The following ARHGEF37 variants were observed in gnomAD, a reference collection of about 807,000 sequenced individuals.
The protein encoded by ARHGEF37 is Rho guanine nucleotide exchange factor (GEF) 37.
In ARHGEF37, 55 loss-of-function variants were observed where a neutral mutation model predicts 71.1. The ratio of observed to expected loss-of-function variants is 0.77; its 90% CI spans 0.62 to 0.97. The LOEUF (loss-of-function observed/expected upper bound fraction) is 0.97, where lower values mean the gene tolerates loss of function less well. ARHGEF37 is among the 50% of genes least tolerant of loss of function. The pLI, the probability that ARHGEF37 is intolerant of heterozygous loss-of-function variation, is 0.00. For missense variants in ARHGEF37, 765 were observed against 836.8 expected, an observed-to-expected ratio of 0.91 and a Z score of 1.06; for synonymous variants, 327 against 350.6, an observed-to-expected ratio of 0.93 and a Z score of 0.75.
At chr5:149,577,522 T>C (rs562981533), upstream of ARHGEF37, among the ~76,000 whole-genome samples, 31 of 152,318 alleles carry the variant, frequency 2.0e-4, no homozygotes, top group African/African-American at 7.2e-4. Flanking sequence ...GTGATTCTAA[T>C]GATTAAAAAA....
upstream of ARHGEF37, among the ~76,000 whole-genome samples, chr5:149,577,167 C>G (rs954373984): frequency 6.6e-6 from 1 of 152,030 alleles, no homozygotes; most frequent in Non-Finnish European, 1.5e-5. Flanking sequence ...TCTTTCTGAG[C>G]CTCAATTTCA....
chr5:149,593,356 T>G (rs141367264), intron 1 of ARHGEF37, among the ~76,000 whole-genome samples: 43 of 152,346 alleles, frequency 2.8e-4, no homozygotes, highest in Middle Eastern at 3.4e-3. Flanking sequence ...TTGCCAATCT[T>G]TCTGTTTCTA....
At chr5:149,555,522 C>A (rs1762742974) in intron 1 of ARHGEF37, among the ~76,000 whole-genome samples, 1 of 151,548 alleles carries the variant, frequency 6.6e-6, no homozygotes, top group South Asian at 2.1e-4. Flanking sequence ...GCCTTGTTGC[C>A]CAGGCTGGTC....
At position 149,632,175 on chromosome 5, in the gene ARHGEF37, G is replaced by A. The variant is rs775539556; in HGVS notation, c.2012G>A (p.Trp671Ter). ...ARARSPVLWG[W>*]SLPS ...GCTCGGAGCCCAGTTCTGTGGGGCTGGAGTCTGCCCTCTTAGGGTACCCTC... is the reference window on the plus strand; with the variant it reads ...GCTCGGAGCCCAGTTCTGTGGGGCTAGAGTCTGCCCTCTTAGGGTACCCTC... The change falls in exon 13 of 13, where the codon TGG (tryptophan) becomes TAG (stop). Residue 671 changes from tryptophan to a stop codon, truncating the protein, a stop_gained. Coordinates refer to ENST00000333677, the MANE Select transcript of ARHGEF37 (RefSeq NM_001001669.3). LOFTEE classifies it high-confidence loss of function. 7 of 1,614,194 alleles carry A rather than the reference G, an allele frequency of 4.3e-6. No individual in the cohort carries two copies. The highest frequency in any genetic ancestry group is 5.9e-6 in the Non-Finnish European group (7 of 1,180,034).
At position 149,622,008 on chromosome 5, in the gene ARHGEF37, C is replaced by T. The variant is rs1752561180; in HGVS notation, c.1281C>T (p.Leu427=). 1.2e-6 allele frequency: 2 copies of T among 1,614,032 alleles called. No homozygotes were observed. The part of the protein sequence containing the change: ...LGQIMCTFVT[L]QRDLAKQVLQ... ...AGATCATGTGCACATTCGTGACCCT[C>T]CAGAGGGACCTTGCAAAGCAAGTGC... The change falls in exon 9 of 13, where the codon CTC becomes CTT. Residue 427 remains leucine (L), a synonymous_variant. Coordinates refer to ENST00000333677, the MANE Select transcript of ARHGEF37 (RefSeq NM_001001669.3).
At chr5:149,576,620 C>T (rs1763031746), upstream of ARHGEF37, among the ~76,000 whole-genome samples, 5 of 152,172 alleles carry the variant, frequency 3.3e-5, no homozygotes, top group South Asian at 2.1e-4. Context: ...TGAGCCACCA[C>T]GCCCGGCCAA....
At chr5:149,630,349 G>A (rs1752843315) in intron 12 of ARHGEF37, among the ~76,000 whole-genome samples, 1 of 152,136 alleles carries the variant, frequency 6.6e-6, no homozygotes, top group South Asian at 2.1e-4. Flanking sequence ...AATGGAGGCA[G>A]CCCTCACAAT....
upstream of ARHGEF37, among the ~76,000 whole-genome samples, chr5:149,580,751 C>T (rs556368174): frequency 6.6e-5 from 10 of 152,142 alleles, no homozygotes; most frequent in African/African-American, 2.2e-4. Context: ...CTAAATTAAG[C>T]CCTAAAAATG....
At chr5:149,591,641 C>A (rs1763410633) in intron 1 of ARHGEF37, among the ~76,000 whole-genome samples, 2 of 152,186 alleles carry the variant, frequency 1.3e-5, no homozygotes, top group African/African-American at 4.8e-5. Flanking sequence ...TATGATGATT[C>A]GACTTTATGA....
intron 10 of ARHGEF37, 99 bp from the exon 11 acceptor site, chr5:149,626,977 G>A: frequency 1.5e-6 from 2 of 1,313,646 alleles, no homozygotes; most frequent in Non-Finnish European, 2.1e-6. Flanking sequence ...TTAGGATCAG[G>A]CCCAGTACTC....
intron 1 of ARHGEF37, among the ~76,000 whole-genome samples, chr5:149,592,189 A>G (rs1763426242): frequency 6.6e-6 from 1 of 152,246 alleles, no homozygotes; most frequent in Admixed American, 6.5e-5. Flanking sequence ...ATTCCATTTT[A>G]TCATGTGTAG....
intron 1 of ARHGEF37, among the ~76,000 whole-genome samples, chr5:149,563,946 A>ATTTTTTTT (rs570750342): frequency 8.0e-6 from 1 of 124,862 alleles, no homozygotes; most frequent in Non-Finnish European, 1.7e-5. Flanking sequence ...ATTAGTTTAA[A>ATTTTTTTT]TTTTTTTTTT....
chr5:149,563,254 T>C (rs1762859049), intron 1 of ARHGEF37, among the ~76,000 whole-genome samples: 1 of 152,216 alleles, frequency 6.6e-6, no homozygotes, highest in African/African-American at 2.4e-5. Context: ...CCAATTGACC[T>C]ATTTAAACCT....
chr5:149,586,548 C>T (rs1763244571), intron 1 of ARHGEF37, among the ~76,000 whole-genome samples: 1 of 152,234 alleles, frequency 6.6e-6, no homozygotes. Flanking sequence ...CAGGTGTGAT[C>T]CACCATGCCC....
upstream of ARHGEF37, among the ~76,000 whole-genome samples, chr5:149,579,865 G>T (rs546280294): frequency 6.6e-6 from 1 of 151,950 alleles, no homozygotes; most frequent in African/African-American, 2.4e-5. Flanking sequence ...GATTACAGGC[G>T]TGAACCACCG....
At chr5:149,599,434 C>CTTATTTATATATTTATTTATTTAT (rs1554122174) in intron 2 of ARHGEF37, among the ~76,000 whole-genome samples, 1 of 147,814 alleles carries the variant, frequency 6.8e-6, no homozygotes, top group African/African-American at 2.5e-5. Flanking sequence ...CCAAGGCAAA[C>CTTATTTATATATTTATTTATTTAT]TTATTTATTT....
chr5:149,611,858 T>A (rs147671672), intron 4 of ARHGEF37, among the ~76,000 whole-genome samples: 4 of 152,320 alleles, frequency 2.6e-5, no homozygotes, highest in Non-Finnish European at 5.9e-5. Flanking sequence ...CTGAAATATA[T>A]GTATAAATAA....
At chr5:149,596,375 G>A (rs557901954) in intron 1 of ARHGEF37, among the ~76,000 whole-genome samples, 1 of 152,274 alleles carries the variant, frequency 6.6e-6, no homozygotes, top group South Asian at 2.1e-4. Context: ...CACAATCTCG[G>A]CTCACTGCAA....
chr5:149,618,104 G>T (rs1018270431), intron 5 of ARHGEF37, 72 bp from the exon 6 acceptor site: 1 of 1,590,528 alleles, frequency 6.3e-7, no homozygotes. Flanking sequence ...GTGCCCAGCC[G>T]GGCATGTCCG....
Sources: allele counts gnomAD v4.1 joint callset (sites outside exome capture counted in the v4.1 genomes callset), GRCh38; gene constraint gnomAD v4.1.1; transcripts MANE v1.5; gene names NCBI Gene and HGNC (gene_info 2026-07-23, HGNC 2026-07-21).